Variants in A1BG observed in about 807,000 individuals in gnomAD.
The protein encoded by A1BG is alpha-1B-glycoprotein.
A neutral mutation model predicts 46.0 loss-of-function variants in A1BG; 44 were observed. The observed-to-expected ratio is 0.96, with a 90% CI of 0.75 to 1.23. A1BG has a LOEUF of 1.23. A1BG is among the 50% of genes most tolerant of loss of function. The pLI, the probability that A1BG is intolerant of heterozygous loss-of-function variation, is 0.00. For missense variants in A1BG, 707 were observed against 688.8 expected (o/e 1.03, Z -0.30); for synonymous variants, 316 against 314.7 (o/e 1.00, Z -0.04).
rs1230722474 is a variant in A1BG at position 58,351,687 on chromosome 19, G to C, written c.614C>G (p.Ala205Gly). 1.3e-6 allele frequency: 2 copies of C among 1,579,690 alleles called. No individual in the cohort carries two copies. The highest frequency in any genetic ancestry group is 2.3e-5 in the South Asian group (2 of 87,444). Reference protein sequence around the residue: ...PSATVTIEELAAPPPPVLMHH... With the variant: ...PSATVTIEELGAPPPPVLMHH... ...CATCAGCACAGGCGGTGGTGGTGCA[G>C]CTGCAATGCAGGCAGCATTACTAGG... The change falls in exon 5 of 8, where the codon GCT becomes GGT. Residue 205 changes from alanine to glycine, a missense_variant and splice_region_variant. By Grantham distance (60) the Ala-to-Gly change is moderately conservative (BLOSUM62 0). Transcript: ENST00000263100.
rs1289530412 is a variant in A1BG, at chr19:58,350,620, C to T, written c.942G>A (p.Glu314=). The T allele has an allele frequency of 3.5e-6, 5 of 1,438,804 alleles. No individual in the cohort carries two copies. The highest frequency in any genetic ancestry group is 3.6e-6 in the Non-Finnish European group (4 of 1,099,394). 89.1% of individuals were successfully genotyped at this position (1,438,804 alleles called of 1,614,324 possible). A position where few individuals can be genotyped will look rare whatever the true frequency, so the allele number is the denominator to read the frequency against. Residue 314 remains glutamate (E), a synonymous_variant, in exon 6 of 8, where the codon GAG becomes GAA. Coordinates refer to ENST00000263100, the MANE Select transcript of A1BG (RefSeq NM_130786.4). ...GCCGCAAGGCCCTGCCGGACTCCGGCTCCGGGGAGAACTCCGGCGCGGGCA... is the reference window on the plus strand; with the variant it reads ...GCCGCAAGGCCCTGCCGGACTCCGGTTCCGGGGAGAACTCCGGCGCGGGCA... ...ETLPAPEFSP[E]PESGRALRLR...
rs760365071 is a variant in A1BG, at chr19:58,350,327, C to T, written c.1192+43G>A. ...GGGAAAGACAGGAGGCCCCGAGGGG[C>T]ACTGAACCCGCGCCCGCCCTCGCTG... On this transcript the variant is annotated intron_variant, in intron 6 of 7. Transcript: ENST00000263100. The T allele has an allele frequency of 9.3e-6, 14 of 1,509,612 alleles. No homozygotes were observed. The South Asian group carries it at 1.6e-4, about 18-fold the overall frequency. The allele number at this position is 1,509,612 out of a possible 1,614,324, so 93.5% of individuals were successfully genotyped here. A position where few individuals can be genotyped will look rare whatever the true frequency, so the allele number is the denominator to read the frequency against.
At chr19:58,349,410 T>C (rs1192680943) in intron 6 of A1BG, among the ~76,000 whole-genome samples, 2 of 151,670 alleles carry the variant, frequency 1.3e-5, no homozygotes, top group African/African-American at 2.4e-5. Flanking sequence ...CCCAGCACTT[T>C]GGGAGGCAGA....
intron 6 of A1BG, chr19:58,347,958 A>G (rs2051928783): frequency 4.1e-6 from 1 of 241,964 alleles, no homozygotes; most frequent in Non-Finnish European, 8.0e-6. Context: ...GGAAGAAGAA[A>G]TGATGGAGAA....
rs2051914915 is a variant in A1BG, at chr19:58,346,573, AGCCAGAC to A, written c.*442_*448del. 3.9e-6 allele frequency: 1 copy of A among 255,620 alleles called. No individual in the cohort carries two copies. The highest frequency in any genetic ancestry group is 2.3e-5 in the African/African-American group (1 of 42,646). 15.8% of individuals were successfully genotyped at this position (255,620 alleles called of 1,614,324 possible). Reference sequence around the variant, plus strand: ...ACCCTGTCTACAAAAAATAATAATTAGCCAGACGTGGCGATGCATGCCCAGGCTCCCA... The same window carrying A: ...ACCCTGTCTACAAAAAATAATAATTAGTGGCGATGCATGCCCAGGCTCCCA... On this transcript the variant is annotated 3_prime_UTR_variant, in exon 8 of 8. Transcript: ENST00000263100.
intron 2 of A1BG, 23 bp from the exon 3 acceptor site, chr19:58,353,220 G>A (rs1184188159): frequency 6.2e-7 from 1 of 1,613,456 alleles, no homozygotes; most frequent in Non-Finnish European, 8.5e-7. Context: ...GCTGGGATCA[G>A]CTCAGTGCCA....
rs576303734 is a variant in A1BG, at chr19:58,351,384, G to C, written c.910+7C>G. ...CCGCGTCCCTGTCCCTGCTGGCCCCGGCTCACCATCGCTCAGAATCAGCTC... is the reference window on the plus strand; with the variant it reads ...CCGCGTCCCTGTCCCTGCTGGCCCCCGCTCACCATCGCTCAGAATCAGCTC... On this transcript the variant is annotated splice_region_variant and intron_variant, in intron 5 of 7. Coordinates refer to ENST00000263100, the MANE Select transcript of A1BG (RefSeq NM_130786.4). 8.7e-6 allele frequency: 14 copies of C among 1,607,502 alleles called. No individual in the cohort carries two copies. Among genetic ancestry groups the C allele is most frequent in the Admixed American group, 1.7e-5 (1 of 60,000 alleles).
Position 58,347,651 on chromosome 19 carries a change from C to T in A1BG, c.1193-11G>A, listed in dbSNP as rs1320937989. ...GCCTGGGAGGGGGTCCTGGGCGGAG[C>T]GGGCGGGTGGTCGGGCCAGGCCACG... On this transcript the variant is annotated splice_polypyrimidine_tract_variant and intron_variant, in intron 6 of 7. Coordinates refer to ENST00000263100, the MANE Select transcript of A1BG (RefSeq NM_130786.4). The T allele has an allele frequency of 4.3e-6, 6 of 1,384,162 alleles. No individual in the cohort carries two copies. Among genetic ancestry groups the T allele is most frequent in the African/African-American group, 1.9e-5 (1 of 53,384 alleles). The allele number at this position is 1,384,162 out of a possible 1,614,324, so 85.7% of individuals were successfully genotyped here.
In A1BG at chr19:58,351,387, T is replaced by C. The variant is rs780004935; in HGVS notation, c.910+4A>G. On this transcript the variant is annotated splice_donor_region_variant and intron_variant, in intron 5 of 7. Coordinates refer to ENST00000263100, the MANE Select transcript of A1BG (RefSeq NM_130786.4). ...CGTCCCTGTCCCTGCTGGCCCCGGC[T>C]CACCATCGCTCAGAATCAGCTCGAC... 5 of 1,608,098 alleles carry C rather than the reference T, an allele frequency of 3.1e-6. No individual in the cohort carries two copies. The highest frequency in any genetic ancestry group is 1.7e-5 in the Admixed American group (1 of 59,982).
chr19:58,351,260 G>T, intron 5 of A1BG, 131 bp downstream of exon 5: 1 of 1,115,050 alleles, frequency 9.0e-7, no homozygotes, highest in Non-Finnish European at 1.3e-6. Context: ...ACCCTGAATC[G>T]GCGGGTGGGC....
Position 58,347,633 on chromosome 19 carries a change from A to G in A1BG, c.1200T>C (p.Pro400=), listed in dbSNP as rs1049899055. ...ACGTCGCCCGGAGCTGAGGCCTGGG[A>G]GGGGGTCCTGGGCGGAGCGGGCGGG... is the stretch of plus-strand genomic sequence containing the variant. ...ERLELHVDGP[P]PRPQLRATWS... The change falls in exon 7 of 8, where the codon CCT becomes CCC. Residue 400 remains proline (P), a synonymous_variant. Coordinates refer to ENST00000263100, the MANE Select transcript of A1BG (RefSeq NM_130786.4). The G allele has an allele frequency of 2.1e-6, 3 of 1,439,026 alleles. No homozygotes were observed. In the African/African-American group the frequency reaches 4.7e-5, roughly 23 times the overall value. The allele number at this position is 1,439,026 out of a possible 1,614,324, so 89.1% of individuals were successfully genotyped here. A position where few individuals can be genotyped will look rare whatever the true frequency, so the allele number is the denominator to read the frequency against.
intron 5 of A1BG, 126 bp downstream of exon 5, chr19:58,351,265 G>T: frequency 2.5e-6 from 3 of 1,196,692 alleles, no homozygotes; most frequent in Non-Finnish European, 3.5e-6. Flanking sequence ...GAATCGGCGG[G>T]TGGGCGGATA....
chr19:58,350,224 C>T, intron 6 of A1BG, 146 bp downstream of exon 6: 1 of 1,077,364 alleles, frequency 9.3e-7, no homozygotes, highest in Non-Finnish European at 1.3e-6. Flanking sequence ...GACCACCGAT[C>T]GCCTGCTCCC....
Position 58,350,391 on chromosome 19 carries a change from G to A in A1BG, c.1171C>T (p.Arg391Cys). The change falls in exon 6 of 8, where the codon CGC (arginine) becomes TGC (cysteine). Residue 391 changes from arginine (R) to cysteine (C), a missense_variant. Arg to Cys is a radical substitution (Grantham distance 180). Coordinates refer to ENST00000263100, the MANE Select transcript of A1BG (RefSeq NM_130786.4). ...PPFGGSAPSE[R>C]LELHVDGPPP... ...TCACCGTCCACGTGCAGCTCCAAGC[G>A]CTCGCTGGGCGCGGAGCCCCCGAAA... The A allele has an allele frequency of 6.5e-7, 1 of 1,548,390 alleles. No homozygotes were observed. Among genetic ancestry groups the A allele is most frequent in the Admixed American group, 2.0e-5 (1 of 50,928 alleles).
chr19:58,347,006 T>G lies in A1BG; in HGVS notation c.*16A>C. 1 of 1,614,054 alleles carries G rather than the reference T, an allele frequency of 6.2e-7. No homozygotes were observed. Among genetic ancestry groups the G allele is most frequent in the Non-Finnish European group, 8.5e-7 (1 of 1,179,990 alleles). The stretch of plus-strand genomic sequence containing the variant: ...ACTTCTGAGGACACCAACAGCACCC[T>G]GGGCCCGCGGCTGCATCAGCTTTCT... On this transcript the variant is annotated 3_prime_UTR_variant, in exon 8 of 8. Transcript: ENST00000263100.
chr19:58,347,686 A>AGGCCG, intron 6 of A1BG, 46 bp from the exon 7 acceptor site: 3 of 1,033,478 alleles, frequency 2.9e-6, no homozygotes, highest in Non-Finnish European at 3.7e-6. Context: ...GCCCCAGGCC[A>AGGCCG]CGCCCCAGGC....
chr19:58,353,450 C>T lies in A1BG; in HGVS notation c.-13G>A, dbSNP rs769188922. The T allele has an allele frequency of 6.9e-6, 11 of 1,604,578 alleles. No individual in the cohort carries two copies. Among genetic ancestry groups the T allele is most frequent in the Admixed American group, 1.7e-5 (1 of 58,866 alleles). On this transcript the variant is annotated 5_prime_UTR_variant, in exon 1 of 8. Transcript: ENST00000263100. ...CGAGCATGGACATGATGGTCGCGCT[C>T]ACTCCGGTGCAGTGAGTGTCTGGGG... is the stretch of plus-strand genomic sequence containing the variant.
chr19:58,353,108 C>T lies in A1BG; in HGVS notation c.160G>A (p.Glu54Lys), dbSNP rs1338064132. Residue 54 changes from glutamate (E) to lysine (K), a missense_variant, in exon 3 of 8, where the codon GAG becomes AAG. Glu to Lys is a moderately conservative substitution (Grantham distance 56). Coordinates refer to ENST00000263100, the MANE Select transcript of A1BG (RefSeq NM_130786.4). Reference sequence around the variant, plus strand: ...TTGAACAGCTGGAAGTCTGGAGTCTCCAGGTGGGCCTGGCACGTCAGCGTC... The same window carrying T: ...TTGAACAGCTGGAAGTCTGGAGTCTTCAGGTGGGCCTGGCACGTCAGCGTC... Reference protein sequence around the residue: ...NVTLTCQAHLETPDFQLFKNG... With the variant: ...NVTLTCQAHLKTPDFQLFKNG... The T allele has an allele frequency of 1.2e-6, 2 of 1,614,040 alleles. No individual in the cohort carries two copies. The highest frequency in any genetic ancestry group is 1.3e-5 in the African/African-American group (1 of 74,930).
rs1330438962 is a variant in A1BG, at chr19:58,345,584, C to T, written c.*1438G>A. On this transcript the variant is annotated 3_prime_UTR_variant, in exon 8 of 8. Transcript: ENST00000263100. ...TCAGGAGGCTGAGGCACGAGAATCA[C>T]TTGAACCCAGGAGGTAGAGGTTGCT... 1 of 152,258 alleles carries T rather than the reference C, an allele frequency of 6.6e-6. No individual in the cohort carries two copies. Among genetic ancestry groups the T allele is most frequent in the African/African-American group, 2.4e-5 (1 of 41,450 alleles). The allele number at this position is 152,258 out of a possible 1,614,324, so 9.4% of individuals were successfully genotyped here. A position where few individuals can be genotyped will look rare whatever the true frequency, so the allele number is the denominator to read the frequency against.
Sources: allele counts gnomAD v4.1 joint callset (sites outside exome capture counted in the v4.1 genomes callset), GRCh38; gene constraint gnomAD v4.1.1; transcripts MANE v1.5; gene names NCBI Gene and HGNC (gene_info 2026-07-23, HGNC 2026-07-21).